Variants in GREP1 observed in about 807,000 individuals in gnomAD.
GREP1 encodes glycine-rich extracellular protein 1.
In GREP1 at chr16:3,000,755, C is replaced by T; in HGVS notation, c.1459C>T (p.Gln487Ter). Residue 487 changes from glutamine to a stop codon, truncating the protein, a stop_gained, in exon 33 of 35, where the codon CAG becomes TAG. Transcript: ENST00000573315. LOFTEE classifies it high-confidence loss of function. ...GTGGAACTCTCGCTGGCCCACCCTC[C>T]AGGCCTGGGGGGCCGGCTTGAAGCC... 1 of 399,028 alleles carries T rather than the reference C, an allele frequency of 2.5e-6. No homozygotes were observed. Among genetic ancestry groups the T allele is most frequent in the Non-Finnish European group, 4.4e-6 (1 of 226,102 alleles). The allele number at this position is 399,028 out of a possible 1,614,324, so 24.7% of individuals were successfully genotyped here.
chr16:2,998,688 G>C (rs1018545066), intron 25 of GREP1, among the ~76,000 whole-genome samples, 160 bp from the exon 24 acceptor site: 5 of 152,198 alleles, frequency 3.3e-5, no homozygotes, highest in African/African-American at 1.2e-4. Context: ...GACCAAGGGA[G>C]CTGGGCTTTT....
At chr16:3,001,011 C>T (rs1420726241) in intron 33 of GREP1, among the ~76,000 whole-genome samples, 184 bp downstream of exon 27, 1 of 152,086 alleles carries the variant, frequency 6.6e-6, no homozygotes, top group Non-Finnish European at 1.5e-5. Flanking sequence ...AGGAATGGAG[C>T]TGGAGGAGAG....
At position 2,989,929 on chromosome 16, in the gene GREP1, G is replaced by A. The variant is rs1438459061; in HGVS notation, c.131-45G>A. 7.5e-6 allele frequency: 3 copies of A among 398,856 alleles called. No homozygotes were observed. The highest frequency in any genetic ancestry group is 1.3e-5 in the Non-Finnish European group (3 of 226,088). 24.7% of individuals were successfully genotyped at this position (398,856 alleles called of 1,614,324 possible). ...CTGTGGGCCAGGTGTGGGGCTCTGG[G>A]GAGATCCTGGGGGAGGGGTGTCCCT... is the stretch of plus-strand genomic sequence containing the variant. On this transcript the variant is annotated intron_variant, in intron 3 of 34. Transcript: ENST00000573315. This position sits in a 1 kb window ranked among gnomAD's most constrained non-coding sequence, Gnocchi z 4.2.
chr16:3,001,564 G>A (rs576945688), exon 35 of GREP1: 8 of 399,164 alleles, frequency 2.0e-5, no homozygotes, highest in South Asian at 1.3e-4. Flanking sequence ...TTCCCAGGCC[G>A]CTGCCCTCTG....
chr16:2,992,523 G>A lies in GREP1; in HGVS notation c.323-282G>A, dbSNP rs2072404396. 1 of 291,362 alleles carries A rather than the reference G, an allele frequency of 3.4e-6. No homozygotes were observed. The highest frequency in any genetic ancestry group is 1.6e-4 in the South Asian group (1 of 6,112). The allele number at this position is 291,362 out of a possible 1,614,324, so 18.0% of individuals were successfully genotyped here. On this transcript the variant is annotated intron_variant, in intron 8 of 34. Transcript: ENST00000573315. The surrounding 1 kb of genome is among the most constrained non-coding windows in gnomAD (Gnocchi z 4.9). ...TGGGTCCCAACAGATGGGCTCTTGG[G>A]GGTTCATTCATTCACCCAATCTCCC... is the stretch of plus-strand genomic sequence containing the variant.
chr16:2,994,872 C>A, intron 12 of GREP1, 34 bp downstream of exon 13: 1 of 399,182 alleles, frequency 2.5e-6, no homozygotes. Flanking sequence ...CTCTGCCTCC[C>A]CAAAACCTGA....
intron 7 of GREP1, among the ~76,000 whole-genome samples, 161 bp from the exon 7 acceptor site, chr16:2,990,887 G>A (rs762245353): frequency 6.6e-6 from 1 of 152,148 alleles, no homozygotes; most frequent in Admixed American, 6.5e-5. Context: ...CCCTTCATCT[G>A]CCCATCTCTC....
Position 2,991,122 on chromosome 16 carries a change from G to A in GREP1, c.322+21G>A. 2.5e-6 allele frequency: 1 copy of A among 399,366 alleles called. No individual in the cohort carries two copies. The highest frequency in any genetic ancestry group is 3.6e-5 in the East Asian group (1 of 28,068). The allele number at this position is 399,366 out of a possible 1,614,324, so 24.7% of individuals were successfully genotyped here. A position where few individuals can be genotyped will look rare whatever the true frequency, so the allele number is the denominator to read the frequency against. On this transcript the variant is annotated intron_variant, in intron 8 of 34. Transcript: ENST00000573315. The surrounding 1 kb of genome is among the most constrained non-coding windows in gnomAD (Gnocchi z 4.9). Reference sequence around the variant, plus strand: ...GTCAGGTGAGGAAACGTCGGGTGTGGCAGGACCTGGGCTTCCAGGAGGGAG... The same window carrying A: ...GTCAGGTGAGGAAACGTCGGGTGTGACAGGACCTGGGCTTCCAGGAGGGAG...
At chr16:2,993,162 A>C (rs2072407391) in intron 10 of GREP1, 199 bp downstream of exon 11, 1 of 380,156 alleles carries the variant, frequency 2.6e-6, no homozygotes, top group Admixed American at 4.5e-5. Context: ...TGGAGGTCTT[A>C]GGGGTTGGGG....
At chr16:2,994,654 C>T (rs923454154) in intron 10 of GREP1, 44 bp from the exon 12 acceptor site, 11 of 398,834 alleles carry the variant, frequency 2.8e-5, no homozygotes, top group Non-Finnish European at 4.0e-5. Context: ...CTGGAGATGG[C>T]ATCCAGGGCT....
chr16:2,993,553 G>T (rs1265130290), intron 10 of GREP1: 1 of 152,056 alleles, frequency 6.6e-6, no homozygotes, highest in Non-Finnish European at 1.5e-5. Context: ...TGTAGTCCCA[G>T]CTACTCTGGA....
rs574411098 is a variant in GREP1, at chr16:2,990,621, G to C, written c.268+34G>C. 1,683 of 399,112 alleles carry C rather than the reference G, an allele frequency of 4.2e-3. 9 individuals are homozygous for C. The highest frequency in any genetic ancestry group is 5.0e-3 in the Non-Finnish European group (1,141 of 226,186). 24.7% of individuals were successfully genotyped at this position (399,112 alleles called of 1,614,324 possible). A position where few individuals can be genotyped will look rare whatever the true frequency, so the allele number is the denominator to read the frequency against. ...GGGGGAAGCGGGTAAGGAATGGGAGGGGCTTGGGGGTGCCTAATCTTTGCC... is the reference window on the plus strand; with the variant it reads ...GGGGGAAGCGGGTAAGGAATGGGAGCGGCTTGGGGGTGCCTAATCTTTGCC... On this transcript the variant is annotated intron_variant, in intron 7 of 34. Coordinates refer to ENST00000573315, the Ensembl canonical transcript of GREP1.
Position 2,989,177 on chromosome 16 carries a change from G to A in GREP1, c.101-346G>A. ...GGATGGGAGAGGAGAGGAAGAGGGTGGAGTGGGCTCTGCCCCACAGTCCCC... is the reference window on the plus strand; with the variant it reads ...GGATGGGAGAGGAGAGGAAGAGGGTAGAGTGGGCTCTGCCCCACAGTCCCC... On this transcript the variant is annotated intron_variant, in intron 2 of 34. Coordinates refer to ENST00000573315, the Ensembl canonical transcript of GREP1. This position sits in a 1 kb window ranked among gnomAD's most constrained non-coding sequence, Gnocchi z 4.2. 6.2e-6 allele frequency: 2 copies of A among 321,966 alleles called. No homozygotes were observed. The highest frequency in any genetic ancestry group is 5.6e-6 in the Non-Finnish European group (1 of 177,084). The allele number at this position is 321,966 out of a possible 1,614,324, so 19.9% of individuals were successfully genotyped here. A position where few individuals can be genotyped will look rare whatever the true frequency, so the allele number is the denominator to read the frequency against.
At chr16:2,999,642 G>A (rs1236984414) in intron 27 of GREP1, among the ~76,000 whole-genome samples, 2 of 152,092 alleles carry the variant, frequency 1.3e-5, no homozygotes, top group Non-Finnish European at 1.5e-5. Context: ...TGTAGAGTCG[G>A]GGTTTTGTCA....
At chr16:2,995,314 C>G (rs1596462268) in exon 14 of GREP1, 1 of 398,980 alleles carries the variant, frequency 2.5e-6, no homozygotes, top group Non-Finnish European at 4.4e-6. Flanking sequence ...GCACAGGAGC[C>G]AGGTAAGCCT....
In GREP1 at chr16:2,995,606, C is replaced by A; in HGVS notation, c.554-13C>A. The stretch of plus-strand genomic sequence containing the variant: ...AAACCCCAAATCCCCACCCCACCCT[C>A]CTCTCCCCATAGTCTTGACAGCCCA... On this transcript the variant is annotated splice_polypyrimidine_tract_variant and intron_variant, in intron 15 of 34. Transcript: ENST00000573315. 1 of 398,894 alleles carries A rather than the reference C, an allele frequency of 2.5e-6. No individual in the cohort carries two copies. The highest frequency in any genetic ancestry group is 1.3e-4 in the South Asian group (1 of 7,718). 24.7% of individuals were successfully genotyped at this position (398,894 alleles called of 1,614,324 possible).
chr16:2,998,706 T>C (rs1028888497), intron 25 of GREP1, 142 bp from the exon 24 acceptor site: 48 of 398,170 alleles, frequency 1.2e-4, no homozygotes, highest in African/African-American at 8.4e-4. Flanking sequence ...TTTTCCAGCC[T>C]GGCTAATGTC....
At chr16:2,997,777 T>C (rs749553050) in intron 22 of GREP1, 26 bp from the exon 21 acceptor site, 16 of 398,100 alleles carry the variant, frequency 4.0e-5, no homozygotes, top group Non-Finnish European at 6.2e-5. Flanking sequence ...TGGGCATGGG[T>C]CCCTCACCTA....
At position 2,996,696 on chromosome 16, in the gene GREP1, C is replaced by T. The variant is rs2072426789; in HGVS notation, c.736C>T (p.Gln246Ter). ...AGGCCTAGGAGCGGGGATGAAGCCT[C>T]AGATGCCAGGTGAGGGGACTGCCTG... The change falls in exon 20 of 35, where the codon CAG (glutamine) becomes TAG (stop). Residue 246 changes from glutamine to a stop codon, truncating the protein, a stop_gained. Transcript: ENST00000573315. LOFTEE classifies it high-confidence loss of function. 1 of 398,890 alleles carries T rather than the reference C, an allele frequency of 2.5e-6. No individual in the cohort carries two copies. The highest frequency in any genetic ancestry group is 3.6e-5 in the East Asian group (1 of 28,050). 24.7% of individuals were successfully genotyped at this position (398,890 alleles called of 1,614,324 possible).
Sources: allele counts gnomAD v4.1 joint callset (sites outside exome capture counted in the v4.1 genomes callset), GRCh38; gene constraint gnomAD v4.1.1; non-coding constraint Gnocchi (gnomAD v3.1); transcripts MANE v1.5; gene names NCBI Gene and HGNC (gene_info 2026-07-23, HGNC 2026-07-21).